Variants in ADGRF5 observed in about 807,000 individuals in gnomAD.
ADGRF5 encodes adhesion G protein-coupled receptor F5.
In ADGRF5, 75 loss-of-function variants were observed where a neutral mutation model predicts 132.3. That is an observed-to-expected ratio of 0.57 (90% CI 0.47 to 0.69). The LOEUF is 0.69. Ranked by LOEUF, ADGRF5 falls within the 30% of genes least tolerant of loss-of-function variation. ADGRF5 has a pLI of 0.00. For missense variants in ADGRF5, 1,516 were observed against 1,630.6 expected, an observed-to-expected ratio of 0.93 and a Z score of 1.21; for synonymous variants, 629 against 597.6, an observed-to-expected ratio of 1.05 and a Z score of -0.77.
At chr6:46,890,665 T>C (rs2150861021) in intron 3 of ADGRF5, among the ~76,000 whole-genome samples, 1 of 152,056 alleles carries the variant, frequency 6.6e-6, no homozygotes, top group African/African-American at 2.4e-5. Flanking sequence ...TGCAGTGAGC[T>C]GATATCGTGC....
intron 1 of ADGRF5, among the ~76,000 whole-genome samples, chr6:46,935,894 C>G (rs893882817): frequency 2.0e-5 from 3 of 152,134 alleles, no homozygotes; most frequent in African/African-American, 7.2e-5. Flanking sequence ...AGCAGGAAGC[C>G]TTGTAGGGGG....
intron 3 of ADGRF5, among the ~76,000 whole-genome samples, chr6:46,894,083 T>C (rs1773934217): frequency 6.6e-6 from 1 of 152,168 alleles, no homozygotes; most frequent in Non-Finnish European, 1.5e-5. Flanking sequence ...AGAAAAGAGA[T>C]TGGTTGGTTT....
chr6:46,927,880 C>A (rs530732823), intron 1 of ADGRF5, among the ~76,000 whole-genome samples: 8 of 152,270 alleles, frequency 5.3e-5, no homozygotes, highest in African/African-American at 1.7e-4. Context: ...AGTCAACAAG[C>A]AAGCTTTATT....
intron 1 of ADGRF5, among the ~76,000 whole-genome samples, chr6:46,909,461 C>T (rs1581964771): frequency 1.3e-5 from 2 of 152,346 alleles, no homozygotes; most frequent in South Asian, 4.1e-4. Context: ...TCCTCTGACT[C>T]TATTTTCCTG....
intron 1 of ADGRF5, among the ~76,000 whole-genome samples, chr6:46,929,374 GGA>G (rs1777429071): frequency 6.6e-6 from 1 of 151,966 alleles, no homozygotes; most frequent in Non-Finnish European, 1.5e-5. Context: ...GATAGCATTA[GGA>G]GATATACCTA....
intron 5 of ADGRF5, 53 bp downstream of exon 5, chr6:46,884,042 G>T: frequency 7.0e-7 from 1 of 1,436,476 alleles, no homozygotes; most frequent in Non-Finnish European, 9.7e-7. Flanking sequence ...ATGCCCAGTC[G>T]TAAACTGATG....
chr6:46,852,615 ATTT>A lies in ADGRF5; in HGVS notation c.*1374_*1376del, dbSNP rs948323123. The A allele has an allele frequency of 6.7e-6, 1 of 148,398 alleles. No individual in the cohort carries two copies. The highest frequency in any genetic ancestry group is 1.5e-5 in the Non-Finnish European group (1 of 67,992). 9.2% of individuals were successfully genotyped at this position (148,398 alleles called of 1,614,324 possible). A position where few individuals can be genotyped will look rare whatever the true frequency, so the allele number is the denominator to read the frequency against. On this transcript the variant is annotated 3_prime_UTR_variant, in exon 21 of 21. Transcript: ENST00000283296. ...GCGTGCAATTTTCATAAATATTTAT[ATTT>A]TTTAATGAAATACACACCAAAAAAA...
intron 1 of ADGRF5, chr6:46,908,985 T>C (rs1189502536): frequency 1.3e-5 from 2 of 152,176 alleles, no homozygotes; most frequent in Non-Finnish European, 2.9e-5. Context: ...ACTTCAGCTT[T>C]TGGGGTTGCT....
chr6:46,902,712 G>A (rs948075873), intron 2 of ADGRF5, among the ~76,000 whole-genome samples: 2 of 152,164 alleles, frequency 1.3e-5, no homozygotes, highest in Admixed American at 6.5e-5. Context: ...CCACAGCTCT[G>A]TCACCTACAG....
chr6:46,869,338 C>T, intron 11 of ADGRF5: 5 of 985,306 alleles, frequency 5.1e-6, no homozygotes, highest in Non-Finnish European at 6.0e-6. Flanking sequence ...GGACCTCGTG[C>T]ACTTCACTTT....
At chr6:46,890,296 T>C (rs1054064150) in intron 3 of ADGRF5, among the ~76,000 whole-genome samples, 7 of 151,968 alleles carry the variant, frequency 4.6e-5, no homozygotes, top group Admixed American at 2.0e-4. Flanking sequence ...TTTCGCCATG[T>C]TGCCCAGGCT....
intron 1 of ADGRF5, among the ~76,000 whole-genome samples, chr6:46,910,213 CAA>C (rs1581968480): frequency 6.6e-6 from 1 of 152,064 alleles, no homozygotes; most frequent in East Asian, 1.9e-4. Context: ...AAATTTTAGC[CAA>C]TGATATCCTC....
intron 4 of ADGRF5, among the ~76,000 whole-genome samples, chr6:46,886,426 T>C (rs11753137): frequency 0.09 from 13,748 of 152,240 alleles, 739 homozygotes; most frequent in Non-Finnish European, 0.12. Flanking sequence ...GAAATTCCAG[T>C]GCTAAAGCAA....
intron 1 of ADGRF5, among the ~76,000 whole-genome samples, chr6:46,944,163 C>T (rs1329367301): frequency 2.0e-5 from 3 of 152,144 alleles, no homozygotes; most frequent in Non-Finnish European, 4.4e-5. Context: ...CCAGTAGAAG[C>T]GGGAGAAGCA....
chr6:46,935,097 G>A (rs1031583450), intron 1 of ADGRF5, among the ~76,000 whole-genome samples: 1 of 140,504 alleles, frequency 7.1e-6, no homozygotes, highest in Non-Finnish European at 1.5e-5. Flanking sequence ...TCCGCCTCCC[G>A]GGTTCAAGCC....
chr6:46,883,854 G>A (rs1301565825), intron 5 of ADGRF5, among the ~76,000 whole-genome samples, 189 bp from the exon 6 acceptor site: 1 of 152,200 alleles, frequency 6.6e-6, no homozygotes, highest in Non-Finnish European at 1.5e-5. Flanking sequence ...TGATGCTCCT[G>A]CCTCACCCTC....
intron 9 of ADGRF5, among the ~76,000 whole-genome samples, chr6:46,879,304 CTG>C (rs1562179503): frequency 0.01 from 1,593 of 151,858 alleles, 35 homozygotes; most frequent in African/African-American, 0.037. Flanking sequence ...TGATTTGGCT[CTG>C]TGTCCCCTCC....
At chr6:46,910,130 G>A (rs2150904808) in intron 1 of ADGRF5, among the ~76,000 whole-genome samples, 1 of 152,316 alleles carries the variant, frequency 6.6e-6, no homozygotes, top group African/African-American at 2.4e-5. Flanking sequence ...AGAAAGAGCT[G>A]AGTGTCTCAG....
chr6:46,923,177 C>T (rs560781239), upstream of ADGRF5, among the ~76,000 whole-genome samples: 7 of 152,182 alleles, frequency 4.6e-5, no homozygotes, highest in East Asian at 1.9e-4. Context: ...TCCCCAGCCT[C>T]GGCCTCCCAA....
Sources: allele counts gnomAD v4.1 joint callset (sites outside exome capture counted in the v4.1 genomes callset), GRCh38; gene constraint gnomAD v4.1.1; transcripts MANE v1.5; gene names NCBI Gene and HGNC (gene_info 2026-07-23, HGNC 2026-07-21).